The following ALDH1L1 variants were observed in gnomAD, a reference collection of about 807,000 sequenced individuals.
The protein encoded by ALDH1L1 is cytosolic 10-formyltetrahydrofolate dehydrogenase.
In ALDH1L1, 68 loss-of-function variants were observed where a neutral mutation model predicts 101.1. The observed-to-expected ratio is 0.67, with a 90% CI of 0.55 to 0.82. ALDH1L1 has a LOEUF of 0.82. ALDH1L1 is among the 40% of genes least tolerant of loss of function. ALDH1L1 has a pLI of 0.00. For missense variants in ALDH1L1, 1,087 were observed against 1,172.7 expected (o/e 0.93, Z 1.07); for synonymous variants, 486 against 470.8 (o/e 1.03, Z -0.42).
rs2080792565 is a variant in ALDH1L1, at chr3:126,150,667, G to A, written c.859-136C>T. ...CCTCCCGGGTTGAAGCGATTCTCCT[G>A]CCTCAGCCCTCCTGAATAGCTGGGA... On this transcript the variant is annotated intron_variant, in intron 7 of 22. Coordinates refer to ENST00000393434, the MANE Select transcript of ALDH1L1 (RefSeq NM_012190.4). 2.8e-6 allele frequency: 3 copies of A among 1,060,168 alleles called. No homozygotes were observed. The African/African-American group carries it at 4.8e-5, about 17-fold the overall frequency. The allele number at this position is 1,060,168 out of a possible 1,614,324, so 65.7% of individuals were successfully genotyped here.
intron 9 of ALDH1L1, among the ~76,000 whole-genome samples, chr3:126,139,179 T>C (rs1328613649): frequency 6.6e-6 from 1 of 152,244 alleles, no homozygotes; most frequent in African/African-American, 2.4e-5. Context: ...CTGGCAGTCA[T>C]TGTTTCAACC....
At chr3:126,111,336 C>CCCAG (rs1946070856) in intron 19 of ALDH1L1, among the ~76,000 whole-genome samples, 2 of 152,284 alleles carry the variant, frequency 1.3e-5, no homozygotes, top group South Asian at 2.1e-4. Context: ...TTTCCACTGT[C>CCCAG]CACGTGAACA....
chr3:126,150,714 C>G (rs2080793718), intron 7 of ALDH1L1, 183 bp from the exon 8 acceptor site: 2 of 582,068 alleles, frequency 3.4e-6, no homozygotes, highest in Non-Finnish European at 5.5e-6. Flanking sequence ...CACCACCATG[C>G]CCGACTAATT....
chr3:126,117,263 A>C (rs1397599738), intron 17 of ALDH1L1, among the ~76,000 whole-genome samples: 1 of 151,196 alleles, frequency 6.6e-6, no homozygotes, highest in African/African-American at 2.5e-5. Context: ...ACCTGAAAAG[A>C]AGCAGGTGAA....
At position 126,158,650 on chromosome 3, in the gene ALDH1L1, G is replaced by T; in HGVS notation, c.128-11C>A. On this transcript the variant is annotated splice_polypyrimidine_tract_variant and intron_variant, in intron 2 of 22. Transcript: ENST00000393434. Reference sequence around the variant, plus strand: ...TCTCAGCTTCCAGACCTGTGGGACGGTGGATAAGAAACTGGCCCCTCTCCA... The same window carrying T: ...TCTCAGCTTCCAGACCTGTGGGACGTTGGATAAGAAACTGGCCCCTCTCCA... 1.2e-6 allele frequency: 2 copies of T among 1,605,830 alleles called. No individual in the cohort carries two copies. Among genetic ancestry groups the T allele is most frequent in the Middle Eastern group, 3.3e-4 (2 of 6,028 alleles).
At chr3:126,178,908 T>A (rs2081416563) in intron 1 of ALDH1L1, among the ~76,000 whole-genome samples, 1 of 151,974 alleles carries the variant, frequency 6.6e-6, no homozygotes, top group South Asian at 2.1e-4. Flanking sequence ...TAACTGAATG[T>A]TCTTTTTTTA....
At chr3:126,125,555 G>A (rs1163833351) in intron 15 of ALDH1L1, 61 bp downstream of exon 15, 3 of 1,324,844 alleles carry the variant, frequency 2.3e-6, no homozygotes, top group Non-Finnish European at 3.0e-6. Context: ...CTCCCTTATA[G>A]AGTGAGTTCC....
rs1334013643 is a variant in ALDH1L1, at chr3:126,157,496, G to A, written c.375C>T (p.His125=). ...TGGAAAACCCCCCTTTCTTATCTCC[G>A]TGAATGAGGGTCCTAGGAAGCAGAA... The part of the protein sequence containing the change: ...GASAINWTLI[H]GDKKGGFSIF... Residue 125 remains histidine, a synonymous_variant, in exon 4 of 23, where the codon CAC becomes CAT. Coordinates refer to ENST00000393434, the MANE Select transcript of ALDH1L1 (RefSeq NM_012190.4). The A allele has an allele frequency of 7.4e-6, 12 of 1,613,694 alleles. No individual in the cohort carries two copies. Among genetic ancestry groups the A allele is most frequent in the African/African-American group, 1.3e-5 (1 of 74,896 alleles).
intron 8 of ALDH1L1, 53 bp downstream of exon 8, chr3:126,150,353 T>A (rs1170916975): frequency 3.2e-6 from 5 of 1,541,148 alleles, no homozygotes; most frequent in Non-Finnish European, 4.4e-6. Flanking sequence ...GCAGAACACA[T>A]GTGCACGGCA....
chr3:126,188,558 C>T (rs2081534496), intron 1 of ALDH1L1, among the ~76,000 whole-genome samples: 1 of 152,194 alleles, frequency 6.6e-6, no homozygotes, highest in African/African-American at 2.4e-5. Context: ...ACAACCCCTT[C>T]CTTTTGGTCA....
intron 1 of ALDH1L1, among the ~76,000 whole-genome samples, chr3:126,194,344 C>A (rs1434130017): frequency 6.6e-6 from 1 of 152,168 alleles, no homozygotes; most frequent in Admixed American, 6.5e-5. Flanking sequence ...CTGTTTACCT[C>A]TCTTTTGGAT....
chr3:126,143,265 T>C (rs1399550130), intron 9 of ALDH1L1, among the ~76,000 whole-genome samples: 1 of 152,210 alleles, frequency 6.6e-6, no homozygotes. Flanking sequence ...GCATCATAAG[T>C]CTGGGACCAT....
intron 5 of ALDH1L1, among the ~76,000 whole-genome samples, 161 bp downstream of exon 5, chr3:126,155,241 C>T (rs769984203): frequency 1.3e-5 from 2 of 152,192 alleles, no homozygotes; most frequent in African/African-American, 2.4e-5. Flanking sequence ...TCCTCCTCCA[C>T]GGCTCTCTTC....
chr3:126,164,173 C>A (rs1266652657), intron 1 of ALDH1L1, among the ~76,000 whole-genome samples: 1 of 151,274 alleles, frequency 6.6e-6, no homozygotes, highest in Non-Finnish European at 1.5e-5. Flanking sequence ...CGGGGCAGGG[C>A]AGGGTGAGGC....
At chr3:126,145,857 A>C (rs1449726618) in intron 9 of ALDH1L1, among the ~76,000 whole-genome samples, 1 of 152,178 alleles carries the variant, frequency 6.6e-6, no homozygotes, top group African/African-American at 2.4e-5. Flanking sequence ...AAAAGGACAT[A>C]TACTCTTAAC....
intron 7 of ALDH1L1, 49 bp downstream of exon 7, chr3:126,153,395 G>A (rs537304266): frequency 4.4e-6 from 7 of 1,608,418 alleles, no homozygotes; most frequent in East Asian, 2.2e-5. Context: ...CCAAGGACAG[G>A]AGCATGGGTG....
chr3:126,159,383 A>G (rs1050386967), intron 2 of ALDH1L1: 1 of 456,024 alleles, frequency 2.2e-6, no homozygotes, highest in African/African-American at 2.0e-5. Context: ...TTAGCCTTAC[A>G]GTGGCAGCTG....
intron 1 of ALDH1L1, among the ~76,000 whole-genome samples, chr3:126,192,857 A>C (rs2081560598): frequency 6.6e-6 from 1 of 152,240 alleles, no homozygotes; most frequent in Non-Finnish European, 1.5e-5. Flanking sequence ...AGCCCCCAGA[A>C]TCACAGCAGA....
intron 15 of ALDH1L1, among the ~76,000 whole-genome samples, chr3:126,124,808 T>C (rs955427258): frequency 7.9e-5 from 12 of 152,256 alleles, no homozygotes; most frequent in Non-Finnish European, 1.3e-4. Context: ...AGCAAATGTA[T>C]GTAAATTACT....
Sources: gnomAD v4.1 joint callset for allele counts (sites outside exome capture counted in the v4.1 genomes callset) on GRCh38, gnomAD v4.1.1 for gene constraint, MANE v1.5 for transcripts, NCBI Gene and HGNC (gene_info 2026-07-23, HGNC 2026-07-21) for gene names.